AVEN: variants seen among roughly 807,000 people sequenced by gnomAD.
AVEN encodes apoptosis and caspase activation inhibitor, also known as cell death regulator Aven.
A neutral mutation model predicts 38.1 loss-of-function variants in AVEN; 41 were observed. The observed-to-expected ratio is 1.08, with a 90% CI of 0.84 to 1.40. AVEN has a LOEUF of 1.40. AVEN is among the 40% of genes most tolerant of loss of function. AVEN has a pLI of 0.00. For synonymous variants in AVEN, 206 were observed against 171.8 expected, an observed-to-expected ratio of 1.20 and a Z score of -1.56; for missense variants, 605 against 438.8, an observed-to-expected ratio of 1.38 and a Z score of -3.38.
chr15:33,872,593 A>G (rs1891022515), intron 3 of AVEN, among the ~76,000 whole-genome samples: 1 of 152,008 alleles, frequency 6.6e-6, no homozygotes, highest in Non-Finnish European at 1.5e-5. Flanking sequence ...CCAGGCCCTC[A>G]GGAACGGCCG....
chr15:33,856,619 GATATCCACCAGTCCAA>G (rs1238780694), downstream of AVEN: 1 of 152,748 alleles, frequency 6.5e-6, no homozygotes, highest in East Asian at 1.9e-4. Context: ...ATAAGGTAGG[GATATCCACCAGTCCAA>G]AGAACCTTTG....
chr15:33,995,119 C>T (rs1896880856), intron 2 of AVEN, among the ~76,000 whole-genome samples: 1 of 151,986 alleles, frequency 6.6e-6, no homozygotes. Context: ...AGAAATCAGC[C>T]AGGTGTGGGT....
chr15:33,857,937 GCCAGCCCACCCAC>G (rs1178785658), downstream of AVEN: 28 of 1,379,556 alleles, frequency 2.0e-5, no homozygotes, highest in African/African-American at 9.8e-4. Flanking sequence ...CCACTGCGGG[GCCAGCCCACCCAC>G]TGCGGGGCCA....
At chr15:34,046,895 G>GGGGAAACC (rs1899709176) in intron 5 of AVEN, 1 of 152,282 alleles carries the variant, frequency 6.6e-6, no homozygotes, top group South Asian at 2.1e-4. Context: ...CGACCCCACC[G>GGGGAAACC]GGGAAACCAC....
chr15:33,937,582 T>G (rs1894137596), intron 2 of AVEN, among the ~76,000 whole-genome samples: 1 of 151,690 alleles, frequency 6.6e-6, no homozygotes, highest in Admixed American at 6.6e-5. Context: ...CCCCCCAAAA[T>G]TTATATGTTG....
chr15:33,851,840 A>G, the AVEN span: 1 of 152,206 alleles, frequency 6.6e-6, no homozygotes, highest in Admixed American at 6.5e-5. Context: ...ATTTAAATGC[A>G]GTGCATAAAA....
At chr15:34,008,650 G>C (rs902377483) in intron 1 of AVEN, among the ~76,000 whole-genome samples, 1 of 133,956 alleles carries the variant, frequency 7.5e-6, no homozygotes, top group African/African-American at 3.3e-5. Flanking sequence ...CACCATGGCA[G>C]GCTAATTTTT....
intron 5 of AVEN, among the ~76,000 whole-genome samples, chr15:34,053,319 A>AAATATATATAT (rs775436850): frequency 9.5e-5 from 4 of 42,070 alleles, no homozygotes; most frequent in African/African-American, 3.2e-4. Context: ...AAAAAAAAAA[A>AAATATATATAT]ATATATATAT....
chr15:33,864,585 G>T (rs1889792240), downstream of AVEN, among the ~76,000 whole-genome samples: 1 of 151,354 alleles, frequency 6.6e-6, no homozygotes, highest in African/African-American at 2.4e-5. Flanking sequence ...CAGGAGCCTG[G>T]AGGTGTGCAT....
intron 2 of AVEN, among the ~76,000 whole-genome samples, chr15:33,931,500 T>A (rs916601279): frequency 4.0e-5 from 6 of 151,516 alleles, no homozygotes; most frequent in East Asian, 3.9e-4. Context: ...CCTCCAGAGT[T>A]GCTGGGACTA....
chr15:33,918,173 T>C lies in AVEN; in HGVS notation c.446-42178A>G, dbSNP rs191351874. Among the ~76,000 whole-genome samples, 93 of 152,276 alleles carry C rather than the reference T, an allele frequency of 6.1e-4. 2 individuals carry two copies. In the East Asian group the frequency reaches 0.017, roughly 27 times the overall value. Reference sequence around the variant, plus strand: ...TTGTTTCATTCTAAGCTTTCTGATATAAAAGCAGATTCTCATACGTATCTA... The same window carrying C: ...TTGTTTCATTCTAAGCTTTCTGATACAAAAGCAGATTCTCATACGTATCTA... On this transcript the variant is annotated intron_variant, in intron 2 of 5. Transcript: ENST00000306730.
downstream of AVEN, chr15:33,858,190 G>A (rs1055886941): frequency 2.6e-5 from 10 of 380,720 alleles, no homozygotes; most frequent in East Asian, 1.3e-4. Flanking sequence ...ATCTATTTCC[G>A]GGGTAAAGAT....
At chr15:33,891,551 A>G (rs11638834) in intron 2 of AVEN, among the ~76,000 whole-genome samples, 146,680 of 152,168 alleles carry the variant, frequency 0.96, 70,750 homozygotes, top group Non-Finnish European at 0.98. Flanking sequence ...CCCTGCAAAG[A>G]ACATGAACTC....
intron 5 of AVEN, chr15:34,046,906 A>C (rs1899709661): frequency 6.6e-6 from 1 of 152,320 alleles, no homozygotes. Flanking sequence ...GGGAAACCAC[A>C]TTTCTCCCAC....
At chr15:33,937,469 C>T (rs1894128830) in intron 2 of AVEN, among the ~76,000 whole-genome samples, 1 of 151,500 alleles carries the variant, frequency 6.6e-6, no homozygotes, top group East Asian at 2.0e-4. Flanking sequence ...GGAGGCGGAG[C>T]TTGCAGTGAG....
chr15:33,867,376 G>A (rs1567383465), intron 5 of AVEN, 119 bp downstream of exon 5: 8 of 1,369,292 alleles, frequency 5.8e-6, no homozygotes, highest in East Asian at 2.4e-5. Context: ...AGATGTCAGT[G>A]GACAACACTG....
the AVEN span, chr15:33,853,446 AC>A: frequency 7.4e-7 from 1 of 1,345,752 alleles, no homozygotes; most frequent in Non-Finnish European, 9.9e-7. Flanking sequence ...GTCTTCATCT[AC>A]CCCTTGGAAG....
chr15:33,902,024 A>T (rs114050763), intron 2 of AVEN, among the ~76,000 whole-genome samples: 2 of 152,140 alleles, frequency 1.3e-5, no homozygotes, highest in Admixed American at 6.6e-5. Context: ...GCAGAAGCCT[A>T]ATTTGATATA....
At chr15:33,892,486 C>T (rs1435059637) in intron 2 of AVEN, among the ~76,000 whole-genome samples, 3 of 151,922 alleles carry the variant, frequency 2.0e-5, no homozygotes, top group South Asian at 2.1e-4. Flanking sequence ...AATAGGGAAT[C>T]CTTTCCCCAT....
Sources: gnomAD v4.1 joint callset for allele counts (sites outside exome capture counted in the v4.1 genomes callset) on GRCh38, gnomAD v4.1.1 for gene constraint, MANE v1.5 for transcripts, NCBI Gene and HGNC (gene_info 2026-07-23, HGNC 2026-07-21) for gene names.